BOLL: variants seen among roughly 807,000 people sequenced by gnomAD.
BOLL encodes protein boule-like.
Under a neutral mutation model 44.4 loss-of-function variants are expected in BOLL, and 23 were observed. The observed-to-expected ratio is 0.52, with a 90% CI of 0.37 to 0.73. The LOEUF (loss-of-function observed/expected upper bound fraction) is 0.73, where lower values mean the gene tolerates loss of function less well. BOLL is among the 30% of genes least tolerant of loss of function. The pLI is 0.00. For synonymous variants in BOLL, 97 were observed against 110.8 expected (o/e 0.88, Z 0.78); for missense variants, 287 against 338.3 (o/e 0.85, Z 1.19).
chr2:197,750,956 C>A (rs1688215930), intron 9 of BOLL, among the ~76,000 whole-genome samples: 2 of 152,102 alleles, frequency 1.3e-5, no homozygotes, highest in South Asian at 4.1e-4. Context: ...TCTCTCAGAC[C>A]ACAGTGCAAT....
intron 10 of BOLL, among the ~76,000 whole-genome samples, chr2:197,736,363 A>G (rs1472888351): frequency 6.6e-6 from 1 of 152,144 alleles, no homozygotes; most frequent in Non-Finnish European, 1.5e-5. Context: ...GAGAATAAGG[A>G]GACATGACAA....
intron 5 of BOLL, among the ~76,000 whole-genome samples, chr2:197,775,159 T>C (rs1689451355): frequency 6.6e-6 from 1 of 151,726 alleles, no homozygotes; most frequent in Non-Finnish European, 1.5e-5. Context: ...TTGAGGAAGG[T>C]AGATACATAA....
intron 10 of BOLL, among the ~76,000 whole-genome samples, chr2:197,739,478 T>C (rs1176321974): frequency 6.6e-6 from 1 of 151,944 alleles, no homozygotes; most frequent in East Asian, 1.9e-4. Flanking sequence ...ACTATAGGGG[T>C]GCACCACCAT....
chr2:197,740,152 A>G (rs1431341509), intron 10 of BOLL, among the ~76,000 whole-genome samples: 2 of 152,134 alleles, frequency 1.3e-5, no homozygotes, highest in African/African-American at 4.8e-5. Flanking sequence ...GTGAGTGGTA[A>G]TGGCAGTGAG....
Position 197,743,087 on chromosome 2 carries a change from G to C in BOLL, c.802C>G (p.Pro268Ala). 1 of 1,603,824 alleles carries C rather than the reference G, an allele frequency of 6.2e-7. No individual in the cohort carries two copies. The highest frequency in any genetic ancestry group is 1.1e-5 in the South Asian group (1 of 89,446). ...TTAATTGGCTCAGGCTGCATCACAG[G>C]CGCAGGCATAGTGATGGCACTTGGA... ...YAPSAITMPA[P>A]VMQPEPIKTV... The change falls in exon 10 of 11, where the codon CCT (proline) becomes GCT (alanine). Residue 268 changes from proline to alanine, a missense_variant. Coordinates refer to ENST00000392296, the MANE Select transcript of BOLL (RefSeq NM_033030.6).
Position 197,785,193 on chromosome 2 carries a change from C to T in BOLL, c.-153G>A. 1.0e-6 allele frequency: 1 copy of T among 986,000 alleles called. No individual in the cohort carries two copies. The highest frequency in any genetic ancestry group is 1.2e-6 in the Non-Finnish European group (1 of 829,940). 61.1% of individuals were successfully genotyped at this position (986,000 alleles called of 1,614,324 possible). On this transcript the variant is annotated 5_prime_UTR_variant, in exon 1 of 11. Coordinates refer to ENST00000392296, the MANE Select transcript of BOLL (RefSeq NM_033030.6). This position sits in a 1 kb window ranked among gnomAD's most constrained non-coding sequence, Gnocchi z 6.7. ...TGGGCACCGAAACGAGGATCCACCC[C>T]CTCCCCACCAAAGTGCGGGAGGGAA...
chr2:197,757,472 C>A, intron 7 of BOLL, 72 bp from the exon 8 acceptor site: 1 of 1,357,852 alleles, frequency 7.4e-7, no homozygotes, highest in Admixed American at 2.1e-5. Flanking sequence ...TATCTACAGG[C>A]AAAAATATGA....
chr2:197,741,227 T>G (rs1687716567), intron 10 of BOLL, among the ~76,000 whole-genome samples: 1 of 152,216 alleles, frequency 6.6e-6, no homozygotes. Context: ...CTAGGTATTT[T>G]ATTCTCTTTG....
intron 2 of BOLL, among the ~76,000 whole-genome samples, chr2:197,780,049 G>T (rs977317232): frequency 6.6e-6 from 1 of 151,932 alleles, no homozygotes; most frequent in Non-Finnish European, 1.5e-5. Context: ...AAAACTGAAT[G>T]ACTTTTATTT....
At chr2:197,729,344 C>G (rs1687023875) in intron 10 of BOLL, among the ~76,000 whole-genome samples, 1 of 152,194 alleles carries the variant, frequency 6.6e-6, no homozygotes, top group South Asian at 2.1e-4. Flanking sequence ...ATTGCTAGCA[C>G]AGCAGTCTGA....
intron 9 of BOLL, among the ~76,000 whole-genome samples, chr2:197,753,239 C>A (rs1312106321): frequency 6.6e-6 from 1 of 152,074 alleles, no homozygotes; most frequent in Non-Finnish European, 1.5e-5. Context: ...AGGACATAGG[C>A]ATGACTAAAA....
At position 197,756,556 on chromosome 2, in the gene BOLL, G is replaced by C; in HGVS notation, c.601C>G (p.Pro201Ala). 6.3e-7 allele frequency: 1 copy of C among 1,598,214 alleles called. No homozygotes were observed. The highest frequency in any genetic ancestry group is 8.5e-7 in the Non-Finnish European group (1 of 1,171,878). ...PGQWQWSVPQ[P>A]SASSAPFLYL... is the part of the protein sequence containing the mutation. The stretch of plus-strand genomic sequence containing the variant: ...AAGAATGGAGCAGAAGAGGCAGAAG[G>C]CTAAAATACAAAACCATATTTCTAA... The change falls in exon 9 of 11, where the codon CCT becomes GCT. Residue 201 changes from proline (P) to alanine (A), a missense_variant and splice_region_variant. Physicochemically the swap from Pro to Ala is conservative, Grantham distance 27. Coordinates refer to ENST00000392296, the MANE Select transcript of BOLL (RefSeq NM_033030.6).
At position 197,730,846 on chromosome 2, in the gene BOLL, C is replaced by T. The variant is rs1349400539; in HGVS notation, c.829-2268G>A. Among the ~76,000 whole-genome samples, 8 of 152,096 alleles carry T rather than the reference C, an allele frequency of 5.3e-5. 1 individual carries two copies. The highest frequency in any genetic ancestry group is 1.9e-4 in the African/African-American group (8 of 41,484). On this transcript the variant is annotated intron_variant, in intron 10 of 10. Transcript: ENST00000392296. Reference sequence around the variant, plus strand: ...CATGGAAAGGAACAACCGGTACCAGCCGCTGCAAAATCATGCCAAAATGTA... The same window carrying T: ...CATGGAAAGGAACAACCGGTACCAGTCGCTGCAAAATCATGCCAAAATGTA...
At chr2:197,752,953 G>T (rs1001012024) in intron 9 of BOLL, among the ~76,000 whole-genome samples, 3 of 152,144 alleles carry the variant, frequency 2.0e-5, no homozygotes, top group African/African-American at 7.2e-5. Flanking sequence ...TACCAAAACA[G>T]ATATATAGAC....
intron 5 of BOLL, chr2:197,774,836 T>C (rs1266037281): frequency 6.6e-6 from 1 of 151,942 alleles, no homozygotes; most frequent in African/African-American, 2.4e-5. Flanking sequence ...TCTTTTTTGT[T>C]GTAGTTGTGG....
rs1689472333 is a variant in BOLL, at chr2:197,775,575, G to GATCTTTTAAT, written c.352+80_352+89dup. 6.9e-6 allele frequency: 6 copies of GATCTTTTAAT among 870,402 alleles called. No homozygotes were observed. In the South Asian group the frequency reaches 1.1e-4, roughly 16 times the overall value. The allele number at this position is 870,402 out of a possible 1,614,324, so 53.9% of individuals were successfully genotyped here. A position where few individuals can be genotyped will look rare whatever the true frequency, so the allele number is the denominator to read the frequency against. ...TAACTTTATTAGATGAAAGAAACAT[G>GATCTTTTAAT]ATCTTTTAATAAAGTTCTATAAAAA... On this transcript the variant is annotated intron_variant, in intron 5 of 10. Coordinates refer to ENST00000392296, the MANE Select transcript of BOLL (RefSeq NM_033030.6).
chr2:197,749,570 C>T lies in BOLL; in HGVS notation c.730-6411G>A, dbSNP rs527489583. Among the ~76,000 whole-genome samples the T allele has an allele frequency of 8.6e-5, 13 of 151,872 alleles. No homozygotes were observed. In the South Asian group the frequency reaches 2.5e-3, roughly 29 times the overall value. On this transcript the variant is annotated intron_variant, in intron 9 of 10. Transcript: ENST00000392296. ...CCTGATGGAACTGAAAAACACAGCACGAGAACTTCGTGAAGCATACACAAG... is the reference window on the plus strand; with the variant it reads ...CCTGATGGAACTGAAAAACACAGCATGAGAACTTCGTGAAGCATACACAAG...
At chr2:197,733,662 T>C (rs1021377866) in intron 10 of BOLL, among the ~76,000 whole-genome samples, 4 of 152,002 alleles carry the variant, frequency 2.6e-5, no homozygotes, top group African/African-American at 7.3e-5. Context: ...ATGCCACATA[T>C]CTACAACTAT....
chr2:197,733,534 A>T lies in BOLL; in HGVS notation c.829-4956T>A, dbSNP rs1046864982. Among the ~76,000 whole-genome samples the T allele has an allele frequency of 2.5e-3, 376 of 152,152 alleles. 3 individuals carry two copies. Among genetic ancestry groups the T allele is most frequent in the Middle Eastern group, 6.8e-3 (2 of 294 alleles). ...TCCTAAGCCAAAAGAACAAAGCTGG[A>T]GGCATCACGCTACCTGACTTCAAAC... is the stretch of plus-strand genomic sequence containing the variant. On this transcript the variant is annotated intron_variant, in intron 10 of 10. Transcript: ENST00000392296.
Sources: gnomAD v4.1 joint callset for allele counts (sites outside exome capture counted in the v4.1 genomes callset) on GRCh38, gnomAD v4.1.1 for gene constraint, Gnocchi (gnomAD v3.1) non-coding constraint, MANE v1.5 for transcripts, NCBI Gene and HGNC (gene_info 2026-07-23, HGNC 2026-07-21) for gene names.